Variants in SCML1 observed in about 807,000 individuals in gnomAD.
SCML1 encodes sex comb on midleg-like protein 1.
For synonymous variants in SCML1, 104 were observed against 103.6 expected (o/e 1.00, Z -0.02); for missense variants, 137 against 258.1 (o/e 0.53, Z 3.22).
intron 7 of SCML1, 41 bp downstream of exon 7, chrX:17,752,007 T>G (rs1222807676): frequency 8.6e-7 from 1 of 1,165,601 alleles, no homozygotes; most frequent in Non-Finnish European, 1.2e-6. Context: ...TGTAATGCCT[T>G]TGAATGACCT....
chrX:17,745,501 C>A lies in SCML1; in HGVS notation c.79C>A (p.Leu27Ile). 8.5e-7 allele frequency: 1 copy of A among 1,177,011 alleles called. No homozygotes were observed. The highest frequency in any genetic ancestry group is 1.2e-6 in the Non-Finnish European group (1 of 869,307). Residue 27 changes from leucine (L) to isoleucine (I), a missense_variant, in exon 3 of 8, where the codon CTT (leucine) becomes ATT (isoleucine). By Grantham distance (5) the Leu-to-Ile change is conservative (BLOSUM62 2). Coordinates refer to ENST00000380041, the MANE Select transcript of SCML1 (RefSeq NM_001037540.3). ...TTACGATGAAGATGACAACACTATTCTTTATGCGTATGAAACAAAACCTGA... is the reference window on the plus strand; with the variant it reads ...TTACGATGAAGATGACAACACTATTATTTATGCGTATGAAACAAAACCTGA... ...PTYDEDDNTI[L>I]YAYETKPEFV...
Position 17,750,011 on chromosome X carries a change from T to C in SCML1, c.421T>C (p.Leu141=). The change falls in exon 6 of 8, where the codon TTA becomes CTA. Residue 141 remains leucine, a synonymous_variant. Coordinates refer to ENST00000380041, the MANE Select transcript of SCML1 (RefSeq NM_001037540.3). ...FSYPESYSPT[L]PVSRRENNSP... Reference sequence around the variant, plus strand: ...CTACCCTGAAAGTTACAGCCCCACTTTACCAGTGTCAAGGCGTGAGAATAA... The same window carrying C: ...CTACCCTGAAAGTTACAGCCCCACTCTACCAGTGTCAAGGCGTGAGAATAA... 1.7e-6 allele frequency: 2 copies of C among 1,211,562 alleles called. No homozygotes were observed. Among genetic ancestry groups the C allele is most frequent in the Non-Finnish European group, 2.2e-6 (2 of 895,411 alleles).
chrX:17,747,314 C>T (rs1460016479), intron 4 of SCML1, among the ~76,000 whole-genome samples: 3 of 111,308 alleles, frequency 2.7e-5, no homozygotes, highest in African/African-American at 9.8e-5. Context: ...GCATCCCCCT[C>T]TCTCTCCTCT....
chrX:17,743,060 C>T (rs187142274), intron 1 of SCML1, among the ~76,000 whole-genome samples: 1 of 112,051 alleles, frequency 8.9e-6, no homozygotes, highest in East Asian at 2.8e-4. Flanking sequence ...TACTGATAGC[C>T]TGTATAAGTT....
chrX:17,746,121 A>G (rs2066640348), intron 4 of SCML1, 23 bp downstream of exon 4: 1 of 978,414 alleles, frequency 1.0e-6, no homozygotes, highest in South Asian at 2.4e-5. Flanking sequence ...TGTCTCTTCA[A>G]TGTAGTTTTC....
chrX:17,748,858 C>T (rs933109731), intron 4 of SCML1, among the ~76,000 whole-genome samples: 1 of 112,141 alleles, frequency 8.9e-6, no homozygotes, highest in Non-Finnish European at 1.9e-5. Flanking sequence ...GTGTACTTAA[C>T]GGTTTTGTAA....
At chrX:17,745,949 C>T in intron 3 of SCML1, 69 bp from the exon 4 acceptor site, 1 of 596,712 alleles carries the variant, frequency 1.7e-6, no homozygotes, top group Non-Finnish European at 2.7e-6. Context: ...ATATAGCTCC[C>T]CCCTGCCCCC....
Position 17,737,639 on chromosome X carries a change from G to C in SCML1, c.-158G>C, listed in dbSNP as rs1475104041. On this transcript the variant is annotated 5_prime_UTR_variant, in exon 1 of 8. Coordinates refer to ENST00000380041, the MANE Select transcript of SCML1 (RefSeq NM_001037540.3). ...GGACTACTGCGAGCAGTTTTACCGC[G>C]ACCTCCGGAGGCCGGCGTGACAGGC... is the stretch of plus-strand genomic sequence containing the variant. The C allele has an allele frequency of 9.0e-6, 1 of 111,175 alleles. No individual in the cohort carries two copies. The highest frequency in any genetic ancestry group is 3.3e-5 in the African/African-American group (1 of 30,582). The allele number at this position is 111,175 out of a possible 1,213,427, so 9.2% of individuals were successfully genotyped here.
At chrX:17,742,276 C>G (rs2066602791) in intron 1 of SCML1, among the ~76,000 whole-genome samples, 1 of 112,082 alleles carries the variant, frequency 8.9e-6, no homozygotes, top group Admixed American at 9.4e-5. Context: ...CAATACAACA[C>G]TGATTCATTA....
intron 6 of SCML1, 24 bp from the exon 7 acceptor site, chrX:17,751,791 T>G (rs754571366): frequency 8.3e-7 from 1 of 1,201,510 alleles, no homozygotes; most frequent in East Asian, 3.0e-5. Context: ...TGTCTTTTTT[T>G]TCTTTTCCCC....
chrX:17,751,300 G>A (rs950022541), intron 6 of SCML1, among the ~76,000 whole-genome samples: 1 of 111,886 alleles, frequency 8.9e-6, no homozygotes, highest in East Asian at 2.8e-4. Flanking sequence ...AAGATAATGG[G>A]GTTGTTATTG....
chrX:17,750,646 C>T (rs1048065633), intron 6 of SCML1, among the ~76,000 whole-genome samples: 3 of 112,332 alleles, frequency 2.7e-5, no homozygotes, highest in African/African-American at 6.5e-5. Context: ...ACATTTATTA[C>T]GCCATCCCCA....
At chrX:17,745,694 C>T (rs1224288532) in intron 3 of SCML1, 155 bp downstream of exon 3, 1 of 400,386 alleles carries the variant, frequency 2.5e-6, no homozygotes, top group African/African-American at 2.6e-5. Context: ...AGAATGAGCA[C>T]TTAACCAATT....
upstream of SCML1, among the ~76,000 whole-genome samples, chrX:17,737,137 G>C (rs1401250109): frequency 2.7e-5 from 3 of 110,953 alleles, no homozygotes; most frequent in Non-Finnish European, 5.7e-5. Context: ...CACTCAGCGC[G>C]CGAGTCTCTG....
At chrX:17,748,881 A>G (rs1424524678) in intron 4 of SCML1, among the ~76,000 whole-genome samples, 2 of 112,482 alleles carry the variant, frequency 1.8e-5, no homozygotes, top group Non-Finnish European at 3.7e-5. Context: ...TTAATTGCTG[A>G]CTGCGTGATT....
chrX:17,744,880 A>G (rs1468715852), intron 2 of SCML1: 1 of 112,245 alleles, frequency 8.9e-6, no homozygotes, highest in Non-Finnish European at 1.9e-5. Flanking sequence ...ATGTATTTTG[A>G]AACAAAAACA....
chrX:17,753,486 G>T lies in SCML1; in HGVS notation c.*94G>T, dbSNP rs2066734616. On this transcript the variant is annotated 3_prime_UTR_variant, in exon 8 of 8. Coordinates refer to ENST00000380041, the MANE Select transcript of SCML1 (RefSeq NM_001037540.3). ...ATTTTTCTGCCCTTTAGTCGTTTTT[G>T]TTTTGTAGAAAGTATCTCTCAAAAT... 2.9e-6 allele frequency: 2 copies of T among 681,529 alleles called. No individual in the cohort carries two copies. The highest frequency in any genetic ancestry group is 7.7e-5 in the Admixed American group (2 of 25,998). The allele number at this position is 681,529 out of a possible 1,213,427, so 56.2% of individuals were successfully genotyped here.
chrX:17,737,151 G>A (rs1276663529), upstream of SCML1, among the ~76,000 whole-genome samples: 2 of 111,115 alleles, frequency 1.8e-5, no homozygotes, highest in Non-Finnish European at 3.8e-5. Context: ...GTCTCTGAAA[G>A]GCCTAACGTC....
intron 1 of SCML1, among the ~76,000 whole-genome samples, chrX:17,743,430 C>T (rs954314656): frequency 8.9e-5 from 10 of 111,933 alleles, no homozygotes; most frequent in Non-Finnish European, 1.3e-4. Context: ...AGATATAATC[C>T]GATACTCTTG....
Sources: gnomAD v4.1 joint callset for allele counts (sites outside exome capture counted in the v4.1 genomes callset) on GRCh38, gnomAD v4.1.1 for gene constraint, MANE v1.5 for transcripts, NCBI Gene and HGNC (gene_info 2026-07-23, HGNC 2026-07-21) for gene names.